STPG2: variants seen among roughly 807,000 people sequenced by gnomAD.
STPG2 encodes the protein sperm-tail PG-rich repeat-containing protein 2.
A neutral mutation model predicts 54.2 loss-of-function variants in STPG2; 56 were observed. That is an observed-to-expected ratio of 1.03 (90% CI 0.83 to 1.29). The LOEUF (loss-of-function observed/expected upper bound fraction) is 1.29, where lower values mean the gene tolerates loss of function less well. Among genes scored for constraint, STPG2 ranks in the 50% most tolerant of loss-of-function variants. The pLI is 0.00. For synonymous variants in STPG2, 200 were observed against 181.8 expected, an observed-to-expected ratio of 1.10 and a Z score of -0.81; for missense variants, 596 against 544.9, an observed-to-expected ratio of 1.09 and a Z score of -0.93.
chr4:97,641,733 T>C (rs1447463507), intron 10 of STPG2, among the ~76,000 whole-genome samples: 2 of 151,494 alleles, frequency 1.3e-5, no homozygotes, highest in Non-Finnish European at 3.0e-5. Context: ...TATAGTACTA[T>C]AATAAAAAAG....
chr4:97,781,394 C>T (rs1046781485), intron 9 of STPG2, among the ~76,000 whole-genome samples: 5 of 152,104 alleles, frequency 3.3e-5, no homozygotes, highest in Non-Finnish European at 4.4e-5. Context: ...GAAGTTGAAT[C>T]CCTTAATAGA....
chr4:97,622,198 T>G (rs936928930), intron 10 of STPG2, among the ~76,000 whole-genome samples: 38 of 152,122 alleles, frequency 2.5e-4, no homozygotes, highest in African/African-American at 8.7e-4. Context: ...CTAGAAGCAT[T>G]CCCCTTGAAT....
At chr4:97,621,478 C>T (rs1236662341) in intron 10 of STPG2, among the ~76,000 whole-genome samples, 11 of 152,004 alleles carry the variant, frequency 7.2e-5, no homozygotes, top group Admixed American at 3.9e-4. Context: ...CATACAAGAA[C>T]GCTGAGACAT....
chr4:97,922,587 T>C (rs1732149737), intron 8 of STPG2, among the ~76,000 whole-genome samples: 1 of 152,224 alleles, frequency 6.6e-6, no homozygotes, highest in Admixed American at 6.5e-5. Context: ...GTATGCTGAA[T>C]AGCCAATGGG....
At chr4:97,623,890 T>C (rs976317095) in intron 10 of STPG2, among the ~76,000 whole-genome samples, 7 of 152,150 alleles carry the variant, frequency 4.6e-5, no homozygotes, top group African/African-American at 1.7e-4. Context: ...CTTGAAGTGT[T>C]TGGTTTTCTG....
chr4:97,885,942 A>G (rs1730550550), intron 8 of STPG2, among the ~76,000 whole-genome samples: 1 of 152,244 alleles, frequency 6.6e-6, no homozygotes, highest in Non-Finnish European at 1.5e-5. Context: ...TAAAAGTCAT[A>G]AAATGTTCTA....
intron 4 of STPG2, among the ~76,000 whole-genome samples, chr4:97,509,323 A>G (rs945115002): frequency 1.8e-4 from 28 of 152,124 alleles, no homozygotes; most frequent in African/African-American, 6.8e-4. Flanking sequence ...CAAGGTTTCA[A>G]GATAAAACTT....
At chr4:98,024,045 A>G (rs1206525592) in intron 5 of STPG2, among the ~76,000 whole-genome samples, 9 of 151,772 alleles carry the variant, frequency 5.9e-5, no homozygotes, top group Admixed American at 5.9e-4. Context: ...ACTGTCCTGC[A>G]CCCACTGTCT....
intron 5 of STPG2, among the ~76,000 whole-genome samples, chr4:98,065,950 T>A (rs1560663139): frequency 6.6e-6 from 1 of 152,022 alleles, no homozygotes. Flanking sequence ...CAAAATTGCT[T>A]CAAAATTAAG....
At chr4:98,035,611 A>G (rs1241449140) in intron 5 of STPG2, among the ~76,000 whole-genome samples, 1 of 152,196 alleles carries the variant, frequency 6.6e-6, no homozygotes, top group East Asian at 1.9e-4. Flanking sequence ...TACCCAAAGG[A>G]TTATAAATCA....
chr4:97,601,133 C>G (rs1305577906), intron 10 of STPG2, among the ~76,000 whole-genome samples: 1 of 151,984 alleles, frequency 6.6e-6, no homozygotes, highest in African/African-American at 2.4e-5. Flanking sequence ...GCAGGAACTT[C>G]AAAATAATGT....
intron 9 of STPG2, among the ~76,000 whole-genome samples, chr4:97,833,804 A>G (rs1043557960): frequency 6.6e-6 from 1 of 152,180 alleles, no homozygotes; most frequent in Non-Finnish European, 1.5e-5. Context: ...TCAAAACCAC[A>G]ATGAGATACC....
At chr4:97,532,310 A>G (rs1731432498) in intron 4 of STPG2, among the ~76,000 whole-genome samples, 1 of 152,156 alleles carries the variant, frequency 6.6e-6, no homozygotes, top group Non-Finnish European at 1.5e-5. Context: ...TAAAATGTTC[A>G]CACAACCTAT....
chr4:97,555,031 TTGTGA>T (rs1463615018), downstream of STPG2, among the ~76,000 whole-genome samples: 3 of 152,148 alleles, frequency 2.0e-5, no homozygotes, highest in African/African-American at 7.2e-5. Flanking sequence ...AAATATCCAT[TTGTGA>T]TGGTGTCTCT....
At chr4:97,979,886 G>A (rs1040391996) in intron 6 of STPG2, among the ~76,000 whole-genome samples, 20 of 151,826 alleles carry the variant, frequency 1.3e-4, no homozygotes, top group Admixed American at 7.2e-4. Flanking sequence ...CACCACACCC[G>A]ACTAATTTTT....
intron 5 of STPG2, among the ~76,000 whole-genome samples, chr4:97,999,340 T>G (rs1186390500): frequency 6.6e-6 from 1 of 152,238 alleles, no homozygotes; most frequent in African/African-American, 2.4e-5. Flanking sequence ...CTAGCCATCT[T>G]TCACATAGAG....
chr4:97,620,654 A>T (rs975746491), intron 10 of STPG2, among the ~76,000 whole-genome samples: 1 of 152,212 alleles, frequency 6.6e-6, no homozygotes, highest in Admixed American at 6.5e-5. Flanking sequence ...GCAAGGTCTT[A>T]GGCACTTATG....
chr4:97,840,847 A>G lies in STPG2; in HGVS notation c.1130T>C (p.Leu377Ser), dbSNP rs773320107. 8 of 1,612,102 alleles carry G rather than the reference A, an allele frequency of 5.0e-6. No individual in the cohort carries two copies. The highest frequency in any genetic ancestry group is 3.3e-5 in the Admixed American group (2 of 59,810). Reference protein sequence around the residue: ...VKHKYMPPRSLVAKRKHASFL... With the variant: ...VKHKYMPPRSSVAKRKHASFL... The stretch of plus-strand genomic sequence containing the variant: ...AGAGGCATGTTTTCTTTTAGCCACT[A>G]AACTACGAGGTGGCATATATTTATG... Residue 377 changes from leucine to serine, a missense_variant, in exon 9 of 11, where the codon TTA (leucine) becomes TCA (serine). Transcript: ENST00000295268.
intron 4 of STPG2, among the ~76,000 whole-genome samples, chr4:97,546,736 T>C (rs1731841766): frequency 2.0e-5 from 3 of 152,166 alleles, no homozygotes; most frequent in African/African-American, 4.8e-5. Context: ...ATAGATATCA[T>C]TGAAAAGCTG....
Sources: allele counts gnomAD v4.1 joint callset (sites outside exome capture counted in the v4.1 genomes callset), GRCh38; gene constraint gnomAD v4.1.1; transcripts MANE v1.5; gene names NCBI Gene and HGNC (gene_info 2026-07-23, HGNC 2026-07-21).